The following KCNIP1 variants were observed in gnomAD, a reference collection of about 807,000 sequenced individuals.
KCNIP1 encodes the protein potassium voltage-gated channel interacting protein 1.
KCNIP1 carries 18 observed loss-of-function variants against 33.0 expected under a neutral mutation model. The ratio of observed to expected loss-of-function variants is 0.55; its 90% CI spans 0.38 to 0.81. KCNIP1 has a LOEUF of 0.81. KCNIP1 is among the 30% of genes least tolerant of loss of function. KCNIP1 has a pLI of 0.00. For synonymous variants in KCNIP1, 93 were observed against 98.3 expected, an observed-to-expected ratio of 0.95 and a Z score of 0.32; for missense variants, 238 against 271.6, an observed-to-expected ratio of 0.88 and a Z score of 0.87.
intron 1 of KCNIP1, among the ~76,000 whole-genome samples, chr5:170,518,604 G>A (rs773255506): frequency 6.6e-6 from 1 of 152,162 alleles, no homozygotes; most frequent in African/African-American, 2.4e-5. Context: ...ATAACGCGGG[G>A]GTTATCAGGC....
intron 1 of KCNIP1, among the ~76,000 whole-genome samples, chr5:170,598,905 G>A (rs1296370920): frequency 1.1e-4 from 11 of 96,880 alleles, no homozygotes; most frequent in African/African-American, 2.5e-4. Flanking sequence ...GTGTGTGCGC[G>A]TGTGTGTGTG....
chr5:170,632,783 G>A (rs1460416772), intron 1 of KCNIP1, among the ~76,000 whole-genome samples: 1 of 152,236 alleles, frequency 6.6e-6, no homozygotes, highest in Non-Finnish European at 1.5e-5. Flanking sequence ...CCAGCTGTGT[G>A]ACCTCAGGCA....
intron 1 of KCNIP1, among the ~76,000 whole-genome samples, chr5:170,614,532 T>C (rs1759294889): frequency 6.6e-6 from 1 of 152,258 alleles, no homozygotes; most frequent in Admixed American, 6.5e-5. Context: ...TCTGTTTACA[T>C]ACTTTATGCA....
chr5:170,480,316 T>C (rs558226528), intron 1 of KCNIP1, among the ~76,000 whole-genome samples: 2 of 152,222 alleles, frequency 1.3e-5, no homozygotes, highest in East Asian at 3.9e-4. Flanking sequence ...AGCTCTGGGG[T>C]TACTGATTCT....
intron 1 of KCNIP1, among the ~76,000 whole-genome samples, chr5:170,565,899 T>C (rs1757189084): frequency 6.6e-6 from 1 of 152,148 alleles, no homozygotes. Context: ...GCCTAATATG[T>C]AGGGAAATGA....
At chr5:170,557,744 T>C (rs1756890049) in intron 1 of KCNIP1, among the ~76,000 whole-genome samples, 1 of 152,030 alleles carries the variant, frequency 6.6e-6, no homozygotes, top group South Asian at 2.1e-4. Context: ...TGCCCGAGTG[T>C]CTGGAGTGGA....
At chr5:170,628,475 C>T (rs922906655) in intron 1 of KCNIP1, among the ~76,000 whole-genome samples, 4 of 152,172 alleles carry the variant, frequency 2.6e-5, no homozygotes, top group African/African-American at 9.7e-5. Flanking sequence ...ATCTCTCTAA[C>T]TCCAAAGGGC....
chr5:170,614,559 C>T (rs1007121994), intron 1 of KCNIP1, among the ~76,000 whole-genome samples: 4 of 152,152 alleles, frequency 2.6e-5, no homozygotes, highest in African/African-American at 4.8e-5. Context: ...GTTTTTTAAA[C>T]GTAAAAAGGG....
intron 1 of KCNIP1, among the ~76,000 whole-genome samples, chr5:170,441,951 C>CAAAA (rs34610945): frequency 1.8e-3 from 128 of 72,036 alleles, no homozygotes; most frequent in Non-Finnish European, 2.1e-3. Context: ...GACTCCATCT[C>CAAAA]AAAAAAAAAA....
At chr5:170,728,009 A>C (rs1312664896) in intron 5 of KCNIP1, among the ~76,000 whole-genome samples, 2 of 152,234 alleles carry the variant, frequency 1.3e-5, no homozygotes, top group Non-Finnish European at 2.9e-5. Context: ...GAATGCAGGA[A>C]TAGCCCAGTA....
intron 1 of KCNIP1, among the ~76,000 whole-genome samples, chr5:170,517,806 T>C (rs1425458808): frequency 7.0e-6 from 1 of 143,046 alleles, no homozygotes; most frequent in Non-Finnish European, 1.6e-5. Context: ...GAAGTGATAG[T>C]GATGGTGGTG....
chr5:170,628,908 TCTC>T (rs1759943280), intron 1 of KCNIP1, among the ~76,000 whole-genome samples: 1 of 151,952 alleles, frequency 6.6e-6, no homozygotes, highest in East Asian at 1.9e-4. Context: ...AGACAGAAAA[TCTC>T]CTTTCCTCCA....
intron 1 of KCNIP1, among the ~76,000 whole-genome samples, chr5:170,584,038 C>G (rs997632238): frequency 6.6e-6 from 1 of 152,140 alleles, no homozygotes; most frequent in African/African-American, 2.4e-5. Flanking sequence ...GGGGCTGGAA[C>G]CCCCATCTGT....
chr5:170,673,797 T>C (rs1311138344), intron 1 of KCNIP1, among the ~76,000 whole-genome samples: 1 of 152,134 alleles, frequency 6.6e-6, no homozygotes, highest in East Asian at 1.9e-4. Flanking sequence ...TATACCCTTG[T>C]CCAAGTTACT....
chr5:170,565,160 C>T (rs1304779954), intron 1 of KCNIP1, among the ~76,000 whole-genome samples: 1 of 152,082 alleles, frequency 6.6e-6, no homozygotes, highest in East Asian at 1.9e-4. Flanking sequence ...ACGTTCTGCT[C>T]CCTTCTGATT....
At chr5:170,406,257 G>A (rs536250340) in intron 1 of KCNIP1, among the ~76,000 whole-genome samples, 7 of 152,198 alleles carry the variant, frequency 4.6e-5, no homozygotes, top group Admixed American at 1.3e-4. Context: ...TCACGGATCC[G>A]TGGGTCTGGA....
chr5:170,609,818 C>T (rs539376849), intron 1 of KCNIP1, among the ~76,000 whole-genome samples: 1 of 152,298 alleles, frequency 6.6e-6, no homozygotes, highest in South Asian at 2.1e-4. Context: ...AATCACACCA[C>T]TGCACTCCAG....
intron 1 of KCNIP1, among the ~76,000 whole-genome samples, chr5:170,542,000 G>A (rs535173322): frequency 1.3e-5 from 2 of 152,320 alleles, no homozygotes; most frequent in East Asian, 1.9e-4. Flanking sequence ...AGAGCAAGAT[G>A]GGGAAAATGC....
intron 1 of KCNIP1, among the ~76,000 whole-genome samples, chr5:170,519,047 T>C (rs1755258095): frequency 6.6e-6 from 1 of 152,202 alleles, no homozygotes; most frequent in African/African-American, 2.4e-5. Context: ...GTAGAGCCTC[T>C]GTTCTTTGTG....
Sources: gnomAD v4.1 joint callset for allele counts (sites outside exome capture counted in the v4.1 genomes callset) on GRCh38, gnomAD v4.1.1 for gene constraint, MANE v1.5 for transcripts, NCBI Gene and HGNC (gene_info 2026-07-23, HGNC 2026-07-21) for gene names.